Variants in KCNMB4 observed in about 807,000 individuals in gnomAD.
KCNMB4 encodes the protein calcium-activated potassium channel subunit beta-4.
Under a neutral mutation model 20.7 loss-of-function variants are expected in KCNMB4, and 3 were observed. The observed-to-expected ratio is 0.14, with a 90% CI of 0.07 to 0.37. The LOEUF is 0.37. Ranked by LOEUF, KCNMB4 falls within the 10% of genes least tolerant of loss-of-function variation. The probability of loss-of-function intolerance (pLI) is 1.00; values close to 1 mark genes in which losing one functional copy is unlikely to be tolerated. For synonymous variants in KCNMB4, 110 were observed against 113.4 expected (o/e 0.97, Z 0.19); for missense variants, 168 against 265.9 (o/e 0.63, Z 2.56).
intron 1 of KCNMB4, among the ~76,000 whole-genome samples, chr12:70,394,015 G>A (rs935009342): frequency 1.1e-4 from 17 of 152,124 alleles, no homozygotes; most frequent in Non-Finnish European, 1.8e-4. Context: ...TACTCTGGAG[G>A]CCAAAATATT....
In KCNMB4 at chr12:70,434,070, A is replaced by C. The variant is rs1273513396; in HGVS notation, c.*3417A>C. ...ACCTTTCCCTTCTCCCTTATGCTGC[A>C]CATCTGGGCAAGCTGATGGAAGCAT... On this transcript the variant is annotated 3_prime_UTR_variant, in exon 3 of 3. Coordinates refer to ENST00000258111, the MANE Select transcript of KCNMB4 (RefSeq NM_014505.6). 1 of 152,142 alleles carries C rather than the reference A, an allele frequency of 6.6e-6. No individual in the cohort carries two copies. Among genetic ancestry groups the C allele is most frequent in the Non-Finnish European group, 1.5e-5 (1 of 68,060 alleles). 9.4% of individuals were successfully genotyped at this position (152,142 alleles called of 1,614,324 possible).
chr12:70,419,130 CT>C (rs1200755512), intron 2 of KCNMB4, among the ~76,000 whole-genome samples: 1 of 152,106 alleles, frequency 6.6e-6, no homozygotes, highest in Non-Finnish European at 1.5e-5. Flanking sequence ...CAGCAAGCAC[CT>C]TTTGATGTTT....
chr12:70,428,121 A>C (rs1869261523), intron 2 of KCNMB4, among the ~76,000 whole-genome samples: 1 of 151,678 alleles, frequency 6.6e-6, no homozygotes, highest in South Asian at 2.1e-4. Flanking sequence ...TGGGCTCGAG[A>C]GATCTCCCAC....
chr12:70,426,522 G>A (rs1164510759), intron 2 of KCNMB4, among the ~76,000 whole-genome samples: 1 of 152,104 alleles, frequency 6.6e-6, no homozygotes, highest in Non-Finnish European at 1.5e-5. Context: ...TAAATCAAGG[G>A]TTGAAAACCA....
At chr12:70,430,107 G>T (rs1270476247) in intron 2 of KCNMB4, among the ~76,000 whole-genome samples, 1 of 150,354 alleles carries the variant, frequency 6.7e-6, no homozygotes, top group Admixed American at 6.6e-5. Flanking sequence ...GTTCAGATTT[G>T]TTGGAGAATG....
intron 1 of KCNMB4, among the ~76,000 whole-genome samples, chr12:70,397,400 T>C (rs977016747): frequency 1.1e-4 from 17 of 152,190 alleles, no homozygotes; most frequent in African/African-American, 4.1e-4. Flanking sequence ...TGCTAGAGTA[T>C]TGTTAAGTAT....
chr12:70,373,435 C>CA (rs370723130), intron 1 of KCNMB4, among the ~76,000 whole-genome samples: 32 of 151,792 alleles, frequency 2.1e-4, no homozygotes, highest in African/African-American at 7.5e-4. Context: ...GGCCATGCGC[C>CA]AAAAAAAGCA....
Position 70,432,262 on chromosome 12 carries a change from C to T in KCNMB4, c.*1609C>T, listed in dbSNP as rs1222244035. 2 of 152,202 alleles carry T rather than the reference C, an allele frequency of 1.3e-5. No homozygotes were observed. Among genetic ancestry groups the T allele is most frequent in the African/African-American group, 4.8e-5 (2 of 41,426 alleles). 9.4% of individuals were successfully genotyped at this position (152,202 alleles called of 1,614,324 possible). On this transcript the variant is annotated 3_prime_UTR_variant, in exon 3 of 3. Coordinates refer to ENST00000258111, the MANE Select transcript of KCNMB4 (RefSeq NM_014505.6). ...AGCCAGGATGGTCTCAATCTCCTGA[C>T]CTTGTGATCTGCCCACTTCACCTCC...
chr12:70,381,765 T>C (rs940235575), intron 1 of KCNMB4, among the ~76,000 whole-genome samples: 1 of 152,192 alleles, frequency 6.6e-6, no homozygotes, highest in Non-Finnish European at 1.5e-5. Context: ...AGGGGTCTTT[T>C]TGGTGTAATG....
At chr12:70,418,596 G>C (rs745911168) in intron 2 of KCNMB4, among the ~76,000 whole-genome samples, 1 of 152,124 alleles carries the variant, frequency 6.6e-6, no homozygotes, top group Non-Finnish European at 1.5e-5. Context: ...ACAAAGGCGC[G>C]TGCTAACTTT....
At chr12:70,371,232 G>T (rs1047384102) in intron 1 of KCNMB4, among the ~76,000 whole-genome samples, 3 of 152,218 alleles carry the variant, frequency 2.0e-5, no homozygotes, top group East Asian at 1.9e-4. Context: ...AGGATAAAAG[G>T]CTCCTTCTAA....
Position 70,422,246 on chromosome 12 carries a change from T to C in KCNMB4, c.465-8239T>C, listed in dbSNP as rs561268849. The stretch of plus-strand genomic sequence containing the variant: ...AAATGTTTGGACAGAAAAACACTTA[T>C]AGTCCTCTATGAAATAAATAACTTG... On this transcript the variant is annotated intron_variant, in intron 2 of 2. Coordinates refer to ENST00000258111, the MANE Select transcript of KCNMB4 (RefSeq NM_014505.6). 7.2e-5 allele frequency among the ~76,000 whole-genome samples: 11 copies of C among 152,354 alleles called. No individual in the cohort carries two copies. The South Asian group carries it at 2.1e-3, about 29-fold the overall frequency.
chr12:70,410,888 T>C (rs970910146), intron 2 of KCNMB4, among the ~76,000 whole-genome samples: 1 of 152,218 alleles, frequency 6.6e-6, no homozygotes, highest in African/African-American at 2.4e-5. Flanking sequence ...CTAAGTTCAC[T>C]CAAAGTGTGT....
intron 2 of KCNMB4, among the ~76,000 whole-genome samples, chr12:70,430,038 CT>C (rs66539156): frequency 0.12 from 17,504 of 146,944 alleles, 1,038 homozygotes; most frequent in African/African-American, 0.13. Flanking sequence ...TTTAACTGAC[CT>C]TTTTTTTTTT....
At chr12:70,368,589 A>T (rs1210198951) in intron 1 of KCNMB4, among the ~76,000 whole-genome samples, 1 of 147,748 alleles carries the variant, frequency 6.8e-6, no homozygotes, top group African/African-American at 2.5e-5. Context: ...TTTTAGAAAC[A>T]TTTTTTTTTT....
intron 1 of KCNMB4, among the ~76,000 whole-genome samples, chr12:70,391,446 A>T (rs36123350): frequency 0.11 from 16,809 of 151,964 alleles, 1,243 homozygotes; most frequent in Non-Finnish European, 0.17. Context: ...ATGACTAAAG[A>T]CATATACCAG....
At chr12:70,423,962 C>T (rs565694127) in intron 2 of KCNMB4, among the ~76,000 whole-genome samples, 45 of 152,316 alleles carry the variant, frequency 3.0e-4, no homozygotes, top group Admixed American at 5.2e-4. Flanking sequence ...AAAAAGCATA[C>T]ACATTTTATC....
At chr12:70,384,898 A>C (rs932020644) in intron 1 of KCNMB4, among the ~76,000 whole-genome samples, 5 of 140,984 alleles carry the variant, frequency 3.5e-5, no homozygotes, top group Non-Finnish European at 7.7e-5. Flanking sequence ...AAAAAAAAAG[A>C]AGAAAAAGAA....
intron 1 of KCNMB4, 67 bp downstream of exon 1, chr12:70,367,137 C>A: frequency 2.3e-6 from 3 of 1,301,096 alleles, no homozygotes. Context: ...CGGTGTTAGA[C>A]TCCGCGCGGG....
Sources: gnomAD v4.1 joint callset for allele counts (sites outside exome capture counted in the v4.1 genomes callset) on GRCh38, gnomAD v4.1.1 for gene constraint, MANE v1.5 for transcripts, NCBI Gene and HGNC (gene_info 2026-07-23, HGNC 2026-07-21) for gene names.